The following PPP1R12B variants were observed in gnomAD, a reference collection of about 807,000 sequenced individuals.
PPP1R12B encodes the protein myosin phosphatase target subunit 2.
Under a neutral mutation model 126.1 loss-of-function variants are expected in PPP1R12B, and 76 were observed. That is an observed-to-expected ratio of 0.60 (90% CI 0.50 to 0.73). The LOEUF (loss-of-function observed/expected upper bound fraction) is 0.73. Among genes scored for constraint, PPP1R12B ranks in the 30% least tolerant of loss-of-function variants. The pLI is 0.00. For synonymous variants in PPP1R12B, 356 were observed against 434.7 expected (o/e 0.82, Z 2.25); for missense variants, 1,052 against 1,205.1 (o/e 0.87, Z 1.88).
chr1:202,394,215 C>G (rs548569622), intron 1 of PPP1R12B, among the ~76,000 whole-genome samples: 1 of 151,084 alleles, frequency 6.6e-6, no homozygotes, highest in Non-Finnish European at 1.5e-5. Flanking sequence ...GCAGTGAGAT[C>G]GCACCACTGC....
Position 202,442,488 on chromosome 1 carries a change from G to T in PPP1R12B, c.1583G>T (p.Arg528Leu). 6.2e-7 allele frequency: 1 copy of T among 1,613,476 alleles called. No individual in the cohort carries two copies. The highest frequency in any genetic ancestry group is 1.1e-5 in the South Asian group (1 of 91,022). ...CTAGTGAGGAGTGGCTCCTATACCC[G>T]GCAGCTATGGAGGGATGAAGCAAAA... ...VNLVRSGSYT[R>L]QLWRDEAKGN... The change falls in exon 12 of 24, where the codon CGG becomes CTG. Residue 528 changes from arginine (R) to leucine (L), a missense_variant. By Grantham distance (102) the Arg-to-Leu change is moderately radical (BLOSUM62 -2). Coordinates refer to ENST00000608999, the MANE Select transcript of PPP1R12B (RefSeq NM_002481.4).
At chr1:202,495,907 C>G (rs1222337495) in intron 17 of PPP1R12B, among the ~76,000 whole-genome samples, 2 of 152,096 alleles carry the variant, frequency 1.3e-5, no homozygotes. Flanking sequence ...GGTAGGCACT[C>G]AGTAAATAAT....
rs1679615343 is a variant in PPP1R12B at position 202,496,790 on chromosome 1, A to G, written c.2458A>G (p.Thr820Ala). Residue 820 changes from threonine (T) to alanine (A), a missense_variant, in exon 18 of 24, where the codon ACT (threonine) becomes GCT (alanine). Physicochemically the swap from Thr to Ala is moderately conservative, Grantham distance 58. Coordinates refer to ENST00000608999, the MANE Select transcript of PPP1R12B (RefSeq NM_002481.4). ...CCCTTTTCTTTTTTAGGAGGATGAA[A>G]CTGATGGCTCTGAAGAGGTCAAAGA... Reference protein sequence around the residue: ...INFWTKDEDETDGSEEVKETW... With the variant: ...INFWTKDEDEADGSEEVKETW... The G allele has an allele frequency of 9.9e-6, 16 of 1,612,226 alleles. No homozygotes were observed. The highest frequency in any genetic ancestry group is 1.7e-5 in the Admixed American group (1 of 59,918).
chr1:202,580,710 C>G lies in PPP1R12B; in HGVS notation c.*150C>G. 1.6e-6 allele frequency: 1 copy of G among 624,468 alleles called. No individual in the cohort carries two copies. 38.7% of individuals were successfully genotyped at this position (624,468 alleles called of 1,614,324 possible). ...CCCTCTTCAGTCACCTCTATACACT[C>G]TACATTTTCTCTGCACTTTCAATGC... On this transcript the variant is annotated 3_prime_UTR_variant, in exon 24 of 24. Coordinates refer to ENST00000608999, the MANE Select transcript of PPP1R12B (RefSeq NM_002481.4).
chr1:202,531,080 C>CAGTG (rs561567226), intron 18 of PPP1R12B, among the ~76,000 whole-genome samples: 85 of 152,290 alleles, frequency 5.6e-4, no homozygotes, highest in Non-Finnish European at 1.1e-3. Context: ...GGAGGATTTT[C>CAGTG]ACATCGCATA....
chr1:202,567,464 G>A (rs1688163607), intron 21 of PPP1R12B: 1 of 253,272 alleles, frequency 3.9e-6, no homozygotes, highest in East Asian at 7.5e-5. Flanking sequence ...ATGTAAAATT[G>A]TAATTAGCAT....
intron 13 of PPP1R12B, chr1:202,462,857 G>C: frequency 1.0e-6 from 1 of 985,236 alleles, no homozygotes; most frequent in Non-Finnish European, 1.2e-6. Flanking sequence ...ACAAGTGTGT[G>C]GCAAGGTGTG....
rs1689665684 is a variant in PPP1R12B, at chr1:202,583,657, G to A, written c.*3097G>A. On this transcript the variant is annotated 3_prime_UTR_variant, in exon 24 of 24. Coordinates refer to ENST00000608999, the MANE Select transcript of PPP1R12B (RefSeq NM_002481.4). ...TTCTACTAGCCAGCAGTTCTCTCTGGATACTGGCATCAGCAGGTCTCCTTT... is the reference window on the plus strand; with the variant it reads ...TTCTACTAGCCAGCAGTTCTCTCTGAATACTGGCATCAGCAGGTCTCCTTT... 6.6e-6 allele frequency: 1 copy of A among 152,150 alleles called. No individual in the cohort carries two copies. Among genetic ancestry groups the A allele is most frequent in the African/African-American group, 2.4e-5 (1 of 41,418 alleles). 9.4% of individuals were successfully genotyped at this position (152,150 alleles called of 1,614,324 possible).
At chr1:202,374,456 A>G (rs1396734462) in intron 1 of PPP1R12B, among the ~76,000 whole-genome samples, 4 of 145,196 alleles carry the variant, frequency 2.8e-5, no homozygotes, top group African/African-American at 1.0e-4. Context: ...TACCTCCTAT[A>G]TGTTAATCAA....
chr1:202,396,869 C>T (rs1571812884), intron 1 of PPP1R12B, among the ~76,000 whole-genome samples: 1 of 152,160 alleles, frequency 6.6e-6, no homozygotes, highest in Non-Finnish European at 1.5e-5. Flanking sequence ...CTGAGGCATT[C>T]TCTTTTCCTT....
chr1:202,583,986 A>G lies in PPP1R12B; in HGVS notation c.*3426A>G, dbSNP rs1395547663. 1 of 152,216 alleles carries G rather than the reference A, an allele frequency of 6.6e-6. No homozygotes were observed. Among genetic ancestry groups the G allele is most frequent in the African/African-American group, 2.4e-5 (1 of 41,462 alleles). The allele number at this position is 152,216 out of a possible 1,614,324, so 9.4% of individuals were successfully genotyped here. On this transcript the variant is annotated 3_prime_UTR_variant, in exon 24 of 24. Coordinates refer to ENST00000608999, the MANE Select transcript of PPP1R12B (RefSeq NM_002481.4). ...TGGCCATTCCAGAGATTCTGGGGCT[A>G]AAGTTTGTTTTTCCAGGGCTGCTGA...
intron 9 of PPP1R12B, among the ~76,000 whole-genome samples, chr1:202,436,392 A>G (rs898230651): frequency 2.6e-5 from 4 of 152,190 alleles, no homozygotes; most frequent in Non-Finnish European, 4.4e-5. Context: ...TTGAACCCCT[A>G]AAGCTGGAAG....
chr1:202,363,417 T>G (rs184237497), intron 1 of PPP1R12B, among the ~76,000 whole-genome samples: 23 of 152,356 alleles, frequency 1.5e-4, no homozygotes, highest in Admixed American at 5.9e-4. Context: ...ACATTTACCT[T>G]TGTATGTTTT....
chr1:202,379,859 A>T (rs996088907), intron 1 of PPP1R12B, among the ~76,000 whole-genome samples: 9 of 152,364 alleles, frequency 5.9e-5, no homozygotes, highest in Middle Eastern at 3.4e-3. Context: ...AGAAAAATAC[A>T]GATGCCTGAG....
intron 18 of PPP1R12B, among the ~76,000 whole-genome samples, chr1:202,511,085 G>C (rs1393311306): frequency 1.4e-5 from 2 of 146,944 alleles, no homozygotes; most frequent in African/African-American, 5.0e-5. Context: ...TATATTAGCA[G>C]AGTCTTTTAA....
chr1:202,484,994 G>A (rs1243933987), intron 13 of PPP1R12B, among the ~76,000 whole-genome samples: 1 of 152,212 alleles, frequency 6.6e-6, no homozygotes, highest in African/African-American at 2.4e-5. Flanking sequence ...GCCACAGCAG[G>A]GCTGGGTGGT....
intron 13 of PPP1R12B, among the ~76,000 whole-genome samples, chr1:202,475,611 C>G (rs1357144365): frequency 6.6e-6 from 1 of 152,012 alleles, no homozygotes; most frequent in Non-Finnish European, 1.5e-5. Context: ...GGTTAAAATC[C>G]CTTTAGGTAT....
chr1:202,562,718 C>T, intron 19 of PPP1R12B, 60 bp from the exon 20 acceptor site: 1 of 1,537,706 alleles, frequency 6.5e-7, no homozygotes, highest in Non-Finnish European at 9.0e-7. Flanking sequence ...CTGAGCATTA[C>T]CTTCTCCCCA....
At chr1:202,513,637 A>G (rs1681790424) in intron 18 of PPP1R12B, among the ~76,000 whole-genome samples, 2 of 152,226 alleles carry the variant, frequency 1.3e-5, no homozygotes, top group African/African-American at 4.8e-5. Context: ...GTTAACTTTT[A>G]GAGCAGTGAT....
Sources: gnomAD v4.1 joint callset for allele counts (sites outside exome capture counted in the v4.1 genomes callset) on GRCh38, gnomAD v4.1.1 for gene constraint, MANE v1.5 for transcripts, NCBI Gene and HGNC (gene_info 2026-07-23, HGNC 2026-07-21) for gene names.